The following RALYL variants were observed in gnomAD, a reference collection of about 807,000 sequenced individuals.
RALYL encodes RNA-binding Raly-like protein.
Under a neutral mutation model 35.1 loss-of-function variants are expected in RALYL, and 29 were observed. The ratio of observed to expected loss-of-function variants is 0.83; its 90% CI spans 0.61 to 1.13. The LOEUF (loss-of-function observed/expected upper bound fraction) is 1.13. RALYL is among the 50% of genes most tolerant of loss of function. RALYL has a pLI of 0.00. For synonymous variants in RALYL, 120 were observed against 127.6 expected (o/e 0.94, Z 0.40); for missense variants, 359 against 360.4 (o/e 1.00, Z 0.03).
At chr8:84,232,305 T>C (rs547314877) in intron 1 of RALYL, among the ~76,000 whole-genome samples, 4 of 152,152 alleles carry the variant, frequency 2.6e-5, no homozygotes, top group African/African-American at 9.6e-5. Context: ...GGAAGAAAAA[T>C]AACTGTGAAA....
At chr8:84,573,345 T>C (rs908230849) in intron 2 of RALYL, among the ~76,000 whole-genome samples, 8 of 151,750 alleles carry the variant, frequency 5.3e-5, no homozygotes, top group African/African-American at 9.7e-5. Flanking sequence ...TTTAGTATTA[T>C]AGTTTTTATT....
chr8:84,554,879 G>A (rs1220407393), intron 2 of RALYL, among the ~76,000 whole-genome samples: 1 of 152,190 alleles, frequency 6.6e-6, no homozygotes, highest in Non-Finnish European at 1.5e-5. Context: ...GTATGACAAA[G>A]TGTCAGTTTT....
At chr8:84,687,563 T>C (rs1025060711) in intron 2 of RALYL, among the ~76,000 whole-genome samples, 8 of 152,100 alleles carry the variant, frequency 5.3e-5, no homozygotes, top group Admixed American at 3.3e-4. Context: ...CTGCTTTATA[T>C]AGACAAGTAT....
At chr8:84,539,572 GA>G (rs1043505612) in intron 2 of RALYL, among the ~76,000 whole-genome samples, 16 of 151,664 alleles carry the variant, frequency 1.1e-4, no homozygotes, top group Admixed American at 6.6e-5. Flanking sequence ...CTGTCTTGTT[GA>G]AAAAAATCTT....
At chr8:84,472,429 A>C (rs934873461) in intron 1 of RALYL, among the ~76,000 whole-genome samples, 1 of 152,196 alleles carries the variant, frequency 6.6e-6, no homozygotes, top group Non-Finnish European at 1.5e-5. Flanking sequence ...TAGCGCCTGA[A>C]GAAATGATAG....
chr8:84,234,289 A>G (rs1453368151), intron 1 of RALYL, among the ~76,000 whole-genome samples: 1 of 152,228 alleles, frequency 6.6e-6, no homozygotes, highest in East Asian at 1.9e-4. Context: ...TGACCCAAAT[A>G]AAAATGGTAT....
intron 1 of RALYL, among the ~76,000 whole-genome samples, chr8:84,425,979 T>G (rs1296815343): frequency 6.6e-6 from 1 of 152,098 alleles, no homozygotes; most frequent in Non-Finnish European, 1.5e-5. Flanking sequence ...AGAGAAGAAT[T>G]GAGGATAACC....
At chr8:84,216,285 A>C (rs1271218310) in intron 1 of RALYL, among the ~76,000 whole-genome samples, 3 of 152,144 alleles carry the variant, frequency 2.0e-5, no homozygotes, top group African/African-American at 7.2e-5. Flanking sequence ...AAAAATGGAC[A>C]TTCAGTTATA....
At chr8:84,680,115 C>T (rs1162206678) in intron 2 of RALYL, among the ~76,000 whole-genome samples, 1 of 151,884 alleles carries the variant, frequency 6.6e-6, no homozygotes, top group Non-Finnish European at 1.5e-5. Context: ...GTTTTTTGTC[C>T]TTGCGATAGT....
chr8:84,223,691 C>G (rs1823096057), intron 1 of RALYL, among the ~76,000 whole-genome samples: 1 of 152,152 alleles, frequency 6.6e-6, no homozygotes, highest in Non-Finnish European at 1.5e-5. Context: ...TTCTGAGGTT[C>G]TAAAGTTGAA....
At chr8:84,914,329 C>T (rs7008839) in intron 8 of RALYL, among the ~76,000 whole-genome samples, 49,229 of 151,752 alleles carry the variant, frequency 0.32, 8,582 homozygotes, top group East Asian at 0.61. Context: ...GAGTAAATAA[C>T]GATTTTTAGA....
intron 3 of RALYL, among the ~76,000 whole-genome samples, chr8:84,792,502 A>AG (rs1005074150): frequency 1.1e-4 from 16 of 152,166 alleles, no homozygotes; most frequent in Non-Finnish European, 4.4e-5. Context: ...GGTACAGGAT[A>AG]GGGGGCGTTG....
chr8:84,817,005 T>C (rs1827473034), intron 4 of RALYL, among the ~76,000 whole-genome samples: 1 of 152,144 alleles, frequency 6.6e-6, no homozygotes, highest in Admixed American at 6.5e-5. Context: ...TTATCTCTAT[T>C]GAAGCACTAT....
intron 1 of RALYL, among the ~76,000 whole-genome samples, chr8:84,373,514 A>G (rs891852442): frequency 1.3e-5 from 2 of 152,030 alleles, no homozygotes; most frequent in Non-Finnish European, 2.9e-5. Context: ...GCTTTGTTGA[A>G]GAGCAGATAG....
intron 1 of RALYL, among the ~76,000 whole-genome samples, chr8:84,470,470 T>G (rs1347896496): frequency 7.7e-5 from 5 of 64,808 alleles, no homozygotes; most frequent in Non-Finnish European, 1.9e-4. Flanking sequence ...TTGTATGGGT[T>G]TTTTTTTTTT....
At chr8:84,767,172 T>C (rs570783274) in intron 2 of RALYL, among the ~76,000 whole-genome samples, 1 of 152,342 alleles carries the variant, frequency 6.6e-6, no homozygotes, top group Admixed American at 6.5e-5. Context: ...GTTAGTATTC[T>C]GGTGGATGAC....
intron 1 of RALYL, among the ~76,000 whole-genome samples, chr8:84,383,723 AC>A (rs1268230054): frequency 3.3e-5 from 5 of 150,834 alleles, no homozygotes; most frequent in African/African-American, 1.2e-4. Flanking sequence ...TAAGGTTGGG[AC>A]AACAGCTGTG....
chr8:84,281,918 A>G (rs2132090578), intron 1 of RALYL, among the ~76,000 whole-genome samples: 1 of 152,160 alleles, frequency 6.6e-6, no homozygotes, highest in Admixed American at 6.5e-5. Flanking sequence ...ACCATGATCT[A>G]ATCCCTGCCT....
chr8:84,910,379 T>G (rs2135680508), intron 8 of RALYL, among the ~76,000 whole-genome samples: 1 of 152,220 alleles, frequency 6.6e-6, no homozygotes, highest in Non-Finnish European at 1.5e-5. Context: ...TATAAGATGT[T>G]AAATGCTTAA....
Sources: allele counts gnomAD v4.1 joint callset (sites outside exome capture counted in the v4.1 genomes callset), GRCh38; gene constraint gnomAD v4.1.1; transcripts MANE v1.5; gene names NCBI Gene and HGNC (gene_info 2026-07-23, HGNC 2026-07-21).